KIF2A: variants seen among roughly 807,000 people sequenced by gnomAD.
KIF2A encodes the protein kinesin-like protein KIF2A.
Under a neutral mutation model 100.2 loss-of-function variants are expected in KIF2A, and 22 were observed. The observed-to-expected ratio is 0.22, with a 90% confidence interval of 0.16 to 0.31. The LOEUF (loss-of-function observed/expected upper bound fraction) is 0.31, where lower values mean the gene tolerates loss of function less well. KIF2A is among the 10% of genes least tolerant of loss of function. KIF2A has a pLI of 1.00. For missense variants in KIF2A, 495 were observed against 898.7 expected (o/e 0.55, Z 5.74); for synonymous variants, 268 against 285.9 (o/e 0.94, Z 0.63).
At chr5:62,318,667 T>A (rs1745953195) in intron 1 of KIF2A, among the ~76,000 whole-genome samples, 1 of 152,188 alleles carries the variant, frequency 6.6e-6, no homozygotes, top group Admixed American at 6.5e-5. Flanking sequence ...CTTTTTAATC[T>A]TTACAGGTGC....
chr5:62,368,753 G>C (rs1741197647), intron 16 of KIF2A, among the ~76,000 whole-genome samples: 1 of 151,410 alleles, frequency 6.6e-6, no homozygotes, highest in South Asian at 2.1e-4. Flanking sequence ...CTCTAGCCTG[G>C]GCAACAGAGC....
At chr5:62,339,620 A>C (rs1747176347) in intron 1 of KIF2A, among the ~76,000 whole-genome samples, 2 of 151,256 alleles carry the variant, frequency 1.3e-5, no homozygotes, top group South Asian at 2.1e-4. Context: ...TGTTCCTAAT[A>C]GCAGAAACAT....
At chr5:62,324,721 A>AATC (rs1338236215) in intron 1 of KIF2A, among the ~76,000 whole-genome samples, 1 of 152,250 alleles carries the variant, frequency 6.6e-6, no homozygotes, top group African/African-American at 2.4e-5. Flanking sequence ...AAAATGGATT[A>AATC]AAGACTTAAA....
rs1347660167 is a variant in KIF2A at position 62,389,400 on chromosome 5, T to C, written c.*3831T>C. Among the ~76,000 whole-genome samples, 1 of 144,694 alleles carries C rather than the reference T, an allele frequency of 6.9e-6. No individual in the cohort carries two copies. Among genetic ancestry groups the C allele is most frequent in the Non-Finnish European group, 1.5e-5 (1 of 66,982 alleles). 94.9% of individuals were successfully genotyped at this position (144,694 alleles called of 152,430 possible). A position where few individuals can be genotyped will look rare whatever the true frequency, so the allele number is the denominator to read the frequency against. On this transcript the variant is annotated 3_prime_UTR_variant, in exon 21 of 21. Transcript: ENST00000407818. ...ACTCGGGTGGTTGAGGCAGGAGATT[T>C]GCCTGAACCCAGGAGGCGGAGGTTG...
chr5:62,319,558 G>T (rs1010544682), intron 1 of KIF2A, among the ~76,000 whole-genome samples: 1 of 152,138 alleles, frequency 6.6e-6, no homozygotes, highest in Non-Finnish European at 1.5e-5. Context: ...TCATTGTATT[G>T]TATTATATGT....
intron 9 of KIF2A, among the ~76,000 whole-genome samples, chr5:62,359,871 T>G (rs950709320): frequency 6.6e-6 from 1 of 152,320 alleles, no homozygotes. Context: ...TAGTTCTGTT[T>G]GACCAGAACT....
Position 62,337,163 on chromosome 5 carries a change from A to G in KIF2A, c.65-9967A>G, listed in dbSNP as rs145429761. Among the ~76,000 whole-genome samples the G allele has an allele frequency of 4.8e-3, 737 of 152,330 alleles. 4 individuals carry two copies. The highest frequency in any genetic ancestry group is 0.017 in the African/African-American group (697 of 41,568). On this transcript the variant is annotated intron_variant, in intron 1 of 20. Coordinates refer to ENST00000407818, the MANE Select transcript of KIF2A (RefSeq NM_001098511.3). The stretch of plus-strand genomic sequence containing the variant: ...ACACCAACTATTCTAGAGTACGGAA[A>G]GGGAAAACTCTGCCATAGAAAATCA...
Position 62,373,834 on chromosome 5 carries a change from A to G in KIF2A, c.1908A>G (p.Gln636=), listed in dbSNP as rs771470833. ...ATGATCTAAAACTTCTTTGTGAACA[A>G]AATGTGAGTGTACTATGGTTGTAAA... ...QRDDLKLLCE[Q]NEEEVSPQLF... Residue 636 remains glutamine, a synonymous_variant, in exon 18 of 21, where the codon CAA becomes CAG. Transcript: ENST00000407818. 3 of 1,606,174 alleles carry G rather than the reference A, an allele frequency of 1.9e-6. No individual in the cohort carries two copies. The South Asian group carries it at 3.3e-5, about 18-fold the overall frequency.
intron 14 of KIF2A, among the ~76,000 whole-genome samples, chr5:62,364,897 C>T (rs1318772285): frequency 1.2e-4 from 18 of 152,210 alleles, no homozygotes; most frequent in Non-Finnish European, 1.5e-5. Context: ...GAGTTCGATA[C>T]CAGCCTGGTC....
intron 20 of KIF2A, among the ~76,000 whole-genome samples, 162 bp from the exon 21 acceptor site, chr5:62,385,322 G>C (rs570520851): frequency 6.6e-6 from 1 of 152,314 alleles, no homozygotes; most frequent in East Asian, 1.9e-4. Context: ...CAATAGTTGA[G>C]CATTCTATTT....
At position 62,385,857 on chromosome 5, in the gene KIF2A, T is replaced by C; in HGVS notation, c.*288T>C. On this transcript the variant is annotated 3_prime_UTR_variant, in exon 21 of 21. Transcript: ENST00000407818. Reference sequence around the variant, plus strand: ...CAGTTTTATTTTCTATTTGATGAAGTAAGACTGTGGACTCAATCCAGAGCC... The same window carrying C: ...CAGTTTTATTTTCTATTTGATGAAGCAAGACTGTGGACTCAATCCAGAGCC... The C allele has an allele frequency of 2.6e-6, 1 of 381,148 alleles. No homozygotes were observed. The highest frequency in any genetic ancestry group is 4.9e-6 in the Non-Finnish European group (1 of 204,382). The allele number at this position is 381,148 out of a possible 1,614,324, so 23.6% of individuals were successfully genotyped here.
At chr5:62,333,703 C>T (rs1005423850) in intron 1 of KIF2A, among the ~76,000 whole-genome samples, 3 of 152,186 alleles carry the variant, frequency 2.0e-5, no homozygotes, top group Non-Finnish European at 4.4e-5. Flanking sequence ...GCCTACTTAT[C>T]TCCTCCCCAA....
At position 62,389,527 on chromosome 5, in the gene KIF2A, A is replaced by G. The variant is rs1333571401; in HGVS notation, c.*3958A>G. Among the ~76,000 whole-genome samples the G allele has an allele frequency of 6.7e-6, 1 of 148,280 alleles. No individual in the cohort carries two copies. Among genetic ancestry groups the G allele is most frequent in the South Asian group, 2.1e-4 (1 of 4,726 alleles). ...GAAATGTTATTGTCTGACTAAATTT[A>G]TAAGATATGTATTGGTTAAAACCAT... On this transcript the variant is annotated 3_prime_UTR_variant, in exon 21 of 21. Transcript: ENST00000407818.
chr5:62,359,973 G>C (rs1240914227), intron 9 of KIF2A, among the ~76,000 whole-genome samples: 1 of 151,722 alleles, frequency 6.6e-6, no homozygotes, highest in African/African-American at 2.4e-5. Context: ...TCTACTTGTA[G>C]ATCTGTTTTC....
At chr5:62,379,335 A>C (rs1369080020) in intron 19 of KIF2A, among the ~76,000 whole-genome samples, 1 of 152,060 alleles carries the variant, frequency 6.6e-6, no homozygotes, top group African/African-American at 2.4e-5. Context: ...TTAAACCAAA[A>C]TTAAGTGTAC....
intron 19 of KIF2A, among the ~76,000 whole-genome samples, chr5:62,378,065 G>A (rs115348411): frequency 3.3e-4 from 50 of 152,272 alleles, no homozygotes; most frequent in African/African-American, 1.2e-3. Flanking sequence ...CCTTCTAAAT[G>A]TTAGGCCAAT....
chr5:62,359,365 G>C (rs1191396228), intron 9 of KIF2A, among the ~76,000 whole-genome samples: 3 of 151,862 alleles, frequency 2.0e-5, no homozygotes, highest in Non-Finnish European at 4.4e-5. Context: ...AAAAATTAGA[G>C]TTAATGAGAC....
At chr5:62,347,002 G>A (rs1747602930) in intron 1 of KIF2A, 128 bp from the exon 2 acceptor site, 10 of 594,086 alleles carry the variant, frequency 1.7e-5, no homozygotes, top group Admixed American at 3.5e-5. Context: ...AGGGTCTGTG[G>A]AAATCTCTTG....
chr5:62,309,219 A>G (rs1745451867), intron 1 of KIF2A, among the ~76,000 whole-genome samples: 2 of 152,196 alleles, frequency 1.3e-5, no homozygotes, highest in African/African-American at 4.8e-5. Flanking sequence ...AGCCTATACC[A>G]GAAGTTCCCA....
Sources: allele counts gnomAD v4.1 joint callset (sites outside exome capture counted in the v4.1 genomes callset), GRCh38; gene constraint gnomAD v4.1.1; transcripts MANE v1.5; gene names NCBI Gene and HGNC (gene_info 2026-07-23, HGNC 2026-07-21).